The following FRMD1 variants were observed in gnomAD, a reference collection of about 807,000 sequenced individuals.
The protein encoded by FRMD1 is FERM domain-containing protein 1.
In FRMD1, 51 loss-of-function variants were observed where a neutral mutation model predicts 54.9. The ratio of observed to expected loss-of-function variants is 0.93; its 90% CI spans 0.74 to 1.17. FRMD1 has a LOEUF of 1.17. Ranked by LOEUF, FRMD1 falls within the 50% of genes most tolerant of loss-of-function variation. The pLI, the probability that FRMD1 is intolerant of heterozygous loss-of-function variation, is 0.00. For missense variants in FRMD1, 729 were observed against 743.0 expected (o/e 0.98, Z 0.22); for synonymous variants, 324 against 306.4 (o/e 1.06, Z -0.60).
chr6:168,065,709 A>G, intron 4 of FRMD1: 1 of 987,320 alleles, frequency 1.0e-6, no homozygotes, highest in Non-Finnish European at 1.2e-6. Flanking sequence ...CAGTGTCTCC[A>G]GGGCTCTCCA....
Position 168,067,410 on chromosome 6 carries a change from A to G in FRMD1, c.341T>C (p.Leu114Pro), listed in dbSNP as rs779781938. The G allele has an allele frequency of 3.1e-6, 5 of 1,608,596 alleles. No homozygotes were observed. Among genetic ancestry groups the G allele is most frequent in the Non-Finnish European group, 4.2e-6 (5 of 1,177,376 alleles). Residue 114 changes from leucine to proline, a missense_variant, in exon 3 of 11, where the codon CTC (leucine) becomes CCC (proline). By Grantham distance (98) the Leu-to-Pro change is moderately conservative. Coordinates refer to ENST00000283309, the MANE Select transcript of FRMD1 (RefSeq NM_024919.6). ...CCAATCTTTTGAGAAGTACTTGCTG[A>G]GCTTTTGCTCCAAATCCATAAATAT... ...EYIFMDLEQKLSKYFSKDWKK... is the reference protein window; with the variant it reads ...EYIFMDLEQKPSKYFSKDWKK...
intron 10 of FRMD1, 176 bp from the exon 11 acceptor site, chr6:168,057,515 G>A: frequency 3.5e-6 from 3 of 846,366 alleles, no homozygotes; most frequent in Non-Finnish European, 5.3e-6. Flanking sequence ...CTCTGCGAGA[G>A]AGGCTTGGCA....
intron 1 of FRMD1, chr6:168,076,002 A>C: frequency 2.2e-6 from 2 of 911,856 alleles, no homozygotes; most frequent in Non-Finnish European, 3.3e-6. Flanking sequence ...ACACTACTTC[A>C]CGCCTGTTCA....
chr6:168,087,070 CT>C (rs780789389), intron 1 of FRMD1, among the ~76,000 whole-genome samples: 3,352 of 148,104 alleles, frequency 0.023, 95 homozygotes, highest in African/African-American at 0.068. Context: ...TCTTGTTTCA[CT>C]TTTTTTTTTT....
chr6:168,074,575 T>C (rs1239830504), intron 2 of FRMD1, among the ~76,000 whole-genome samples: 3 of 151,910 alleles, frequency 2.0e-5, no homozygotes, highest in Non-Finnish European at 4.4e-5. Flanking sequence ...GGTTTGTGCA[T>C]GTGTACATGT....
intron 1 of FRMD1, among the ~76,000 whole-genome samples, chr6:168,086,880 G>C (rs1327528882): frequency 6.6e-6 from 1 of 152,230 alleles, no homozygotes; most frequent in Non-Finnish European, 1.5e-5. Flanking sequence ...GCACCTGTTA[G>C]CCAGGACCTT....
At chr6:168,092,615 A>C (rs766004750) in intron 1 of FRMD1, among the ~76,000 whole-genome samples, 22 of 151,946 alleles carry the variant, frequency 1.4e-4, no homozygotes, top group Non-Finnish European at 2.9e-4. Flanking sequence ...ACACTGCAAG[A>C]AGGTGCCGTC....
intron 1 of FRMD1, among the ~76,000 whole-genome samples, chr6:168,088,847 G>A (rs558420831): frequency 6.6e-6 from 1 of 152,194 alleles, no homozygotes; most frequent in African/African-American, 2.4e-5. Flanking sequence ...CCAGGTGTCC[G>A]TGTGACCCAC....
Position 168,055,936 on chromosome 6 carries a change from T to TGG in FRMD1, c.*1159_*1160dup, listed in dbSNP as rs932624884. The TGG allele has an allele frequency of 1.3e-5, 2 of 152,200 alleles. No homozygotes were observed. Among genetic ancestry groups the TGG allele is most frequent in the Admixed American group, 1.3e-4 (2 of 15,292 alleles). 9.4% of individuals were successfully genotyped at this position (152,200 alleles called of 1,614,324 possible). A position where few individuals can be genotyped will look rare whatever the true frequency, so the allele number is the denominator to read the frequency against. On this transcript the variant is annotated 3_prime_UTR_variant, in exon 11 of 11. Coordinates refer to ENST00000283309, the MANE Select transcript of FRMD1 (RefSeq NM_024919.6). ...ATGCACGCAGCCCTGCACCAGGCCA[T>TGG]GGGGCTCAAGCTCATGCTTGTCTCC... is the stretch of plus-strand genomic sequence containing the variant.
upstream of FRMD1, among the ~76,000 whole-genome samples, chr6:168,084,106 T>A (rs749861964): frequency 2.6e-5 from 4 of 152,042 alleles, no homozygotes; most frequent in Non-Finnish European, 2.9e-5. Flanking sequence ...GGTGTCTTCT[T>A]GGGAGAAGAC....
chr6:168,067,561 G>A lies in FRMD1; in HGVS notation c.305-115C>T, dbSNP rs981557342. 1.3e-4 allele frequency: 86 copies of A among 672,728 alleles called. 1 individual carries two copies. In the East Asian group the frequency reaches 1.7e-3, roughly 13 times the overall value. The allele number at this position is 672,728 out of a possible 1,614,324, so 41.7% of individuals were successfully genotyped here. ...AGAGATGCACAGCTGAAAACTGTGCGTCTGCAGCTGACGCTGCATATGGGG... is the reference window on the plus strand; with the variant it reads ...AGAGATGCACAGCTGAAAACTGTGCATCTGCAGCTGACGCTGCATATGGGG... On this transcript the variant is annotated intron_variant, in intron 2 of 10. Coordinates refer to ENST00000283309, the MANE Select transcript of FRMD1 (RefSeq NM_024919.6).
chr6:168,088,429 G>A (rs1318469875), intron 1 of FRMD1, among the ~76,000 whole-genome samples: 1 of 152,196 alleles, frequency 6.6e-6, no homozygotes, highest in East Asian at 1.9e-4. Flanking sequence ...CTCAGCTCTG[G>A]ACTTTTCCCC....
upstream of FRMD1, among the ~76,000 whole-genome samples, chr6:168,080,574 G>A (rs912928772): frequency 2.6e-5 from 4 of 152,188 alleles, no homozygotes; most frequent in Admixed American, 6.5e-5. Context: ...TCACAGTGCC[G>A]GCGTATCAGG....
chr6:168,060,405 G>C (rs1159450807), intron 9 of FRMD1, among the ~76,000 whole-genome samples: 1 of 151,780 alleles, frequency 6.6e-6, no homozygotes, highest in African/African-American at 2.4e-5. Flanking sequence ...GGCTTCCTAG[G>C]AGTGGGAGGG....
intron 2 of FRMD1, among the ~76,000 whole-genome samples, chr6:168,068,957 G>A (rs147140574): frequency 6.6e-6 from 1 of 152,208 alleles, no homozygotes; most frequent in African/African-American, 2.4e-5. Flanking sequence ...TCTAGACGGC[G>A]TTAGACCCAG....
chr6:168,064,116 C>T (rs57815671), intron 5 of FRMD1, among the ~76,000 whole-genome samples: 2,839 of 152,286 alleles, frequency 0.019, 38 homozygotes, highest in Middle Eastern at 0.031. Flanking sequence ...ATCGCAGGGA[C>T]GTGGAATCAC....
upstream of FRMD1, among the ~76,000 whole-genome samples, chr6:168,083,382 G>A (rs541423238): frequency 1.8e-4 from 27 of 152,368 alleles, no homozygotes; most frequent in African/African-American, 6.3e-4. Flanking sequence ...AGGCATTCCT[G>A]CAGGTGAGGC....
intron 7 of FRMD1, 83 bp downstream of exon 7, chr6:168,062,811 C>T: frequency 6.2e-7 from 1 of 1,604,704 alleles, no homozygotes; most frequent in East Asian, 2.2e-5. Flanking sequence ...AGGGATGCTA[C>T]ACAGCCCAGA....
chr6:168,068,938 C>T (rs540462396), intron 2 of FRMD1, among the ~76,000 whole-genome samples: 2 of 152,362 alleles, frequency 1.3e-5, no homozygotes, highest in South Asian at 4.1e-4. Flanking sequence ...ATCCTTAGTA[C>T]CTGGCTCTTC....
Sources: allele counts gnomAD v4.1 joint callset (sites outside exome capture counted in the v4.1 genomes callset), GRCh38; gene constraint gnomAD v4.1.1; transcripts MANE v1.5; gene names NCBI Gene and HGNC (gene_info 2026-07-23, HGNC 2026-07-21).